Variants in CSMD1 observed in about 807,000 individuals in gnomAD.
The protein encoded by CSMD1 is CUB and sushi domain-containing protein 1.
CSMD1 carries 213 observed loss-of-function variants against 417.5 expected under a neutral mutation model. The ratio of observed to expected loss-of-function variants is 0.51; its 90% CI spans 0.46 to 0.57. The LOEUF (loss-of-function observed/expected upper bound fraction) is 0.57. Ranked by LOEUF, CSMD1 falls within the 20% of genes least tolerant of loss-of-function variation. CSMD1 has a pLI of 0.00. For missense variants in CSMD1, 6,923 were observed against 4,529.7 expected (o/e 1.53, Z -15.17); for synonymous variants, 2,862 against 1,736.8 (o/e 1.65, Z -16.11).
chr8:3,740,674 T>C (rs1041478305), intron 6 of CSMD1, among the ~76,000 whole-genome samples: 8 of 152,024 alleles, frequency 5.3e-5, no homozygotes, highest in South Asian at 2.1e-4. Context: ...ACGAGATGTA[T>C]TGGGGAAGAG....
chr8:3,583,782 C>A (rs1800482173), intron 9 of CSMD1, among the ~76,000 whole-genome samples: 1 of 151,922 alleles, frequency 6.6e-6, no homozygotes, highest in Admixed American at 6.6e-5. Context: ...GCAGCCATGC[C>A]CTGAAACCTC....
intron 5 of CSMD1, among the ~76,000 whole-genome samples, chr8:3,778,006 C>A (rs1468349801): frequency 6.6e-6 from 1 of 152,248 alleles, no homozygotes; most frequent in Non-Finnish European, 1.5e-5. Flanking sequence ...TCCAGACCTG[C>A]AGCCTAAGAA....
At chr8:3,887,041 TCA>T (rs1245673167) in intron 5 of CSMD1, among the ~76,000 whole-genome samples, 1 of 152,156 alleles carries the variant, frequency 6.6e-6, no homozygotes, top group Non-Finnish European at 1.5e-5. Context: ...AAACTCTGCC[TCA>T]CACATTTTCC....
intron 5 of CSMD1, among the ~76,000 whole-genome samples, chr8:3,968,916 A>T (rs1044923586): frequency 6.6e-6 from 1 of 152,172 alleles, no homozygotes; most frequent in Non-Finnish European, 1.5e-5. Context: ...GATTTATCTC[A>T]AAGTTTTCAA....
chr8:4,405,149 C>G (rs1229596062), intron 3 of CSMD1, among the ~76,000 whole-genome samples: 2 of 152,168 alleles, frequency 1.3e-5, no homozygotes, highest in Non-Finnish European at 2.9e-5. Flanking sequence ...AGGAGAAGTA[C>G]TCTTACTTCC....
At chr8:4,021,658 C>G (rs1796795506) in intron 4 of CSMD1, among the ~76,000 whole-genome samples, 1 of 152,174 alleles carries the variant, frequency 6.6e-6, no homozygotes, top group South Asian at 2.1e-4. Flanking sequence ...CATCCCTTTT[C>G]TCTTTTGGCG....
At chr8:4,188,243 A>C (rs1233461947) in intron 3 of CSMD1, among the ~76,000 whole-genome samples, 4 of 152,110 alleles carry the variant, frequency 2.6e-5, no homozygotes, top group Non-Finnish European at 5.9e-5. Context: ...GGACCCAGAA[A>C]ACAGCGCACT....
Position 4,470,761 on chromosome 8 carries a change from G to C in CSMD1, c.303-50696C>G, listed in dbSNP as rs371237832. ...AAAAACACCATGAATGACTTAATTGGACCCAGATTATTTAGACAATATTTA... is the reference window on the plus strand; with the variant it reads ...AAAAACACCATGAATGACTTAATTGCACCCAGATTATTTAGACAATATTTA... On this transcript the variant is annotated intron_variant, in intron 2 of 69. Transcript: ENST00000635120. Among the ~76,000 whole-genome samples the C allele has an allele frequency of 1.8e-4, 27 of 152,310 alleles. No individual in the cohort carries two copies. The East Asian group carries it at 4.1e-3, about 23-fold the overall frequency.
chr8:4,082,179 C>A (rs1016190491), intron 3 of CSMD1, among the ~76,000 whole-genome samples: 1 of 151,990 alleles, frequency 6.6e-6, no homozygotes, highest in Admixed American at 6.6e-5. Flanking sequence ...AAAGAGCGTA[C>A]AAGATATACT....
intron 54 of CSMD1, among the ~76,000 whole-genome samples, chr8:2,989,675 G>T (rs982733185): frequency 1.3e-5 from 2 of 152,128 alleles, no homozygotes; most frequent in Non-Finnish European, 2.9e-5. Context: ...AGAGAATGAT[G>T]AATAAATATG....
intron 3 of CSMD1, among the ~76,000 whole-genome samples, chr8:4,179,447 A>C (rs2131169254): frequency 6.6e-6 from 1 of 152,106 alleles, no homozygotes. Context: ...TTAAAGACTT[A>C]AACGTTAGAC....
chr8:3,086,455 T>C (rs936394470), intron 49 of CSMD1, among the ~76,000 whole-genome samples: 3 of 152,156 alleles, frequency 2.0e-5, no homozygotes, highest in African/African-American at 7.2e-5. Context: ...AGAGAGCCTA[T>C]ATGAGCTTTC....
chr8:3,792,054 T>A (rs922558542), intron 5 of CSMD1, among the ~76,000 whole-genome samples: 1 of 152,182 alleles, frequency 6.6e-6, no homozygotes, highest in African/African-American at 2.4e-5. Context: ...ACCTCAAAGT[T>A]TAACCAAATC....
chr8:3,771,083 G>T (rs57023090), intron 5 of CSMD1, among the ~76,000 whole-genome samples: 3 of 151,852 alleles, frequency 2.0e-5, no homozygotes, highest in Admixed American at 1.3e-4. Flanking sequence ...ATAGTCTTGG[G>T]GGTATTGTAT....
At chr8:4,108,814 G>A (rs1801704098) in intron 3 of CSMD1, among the ~76,000 whole-genome samples, 1 of 152,142 alleles carries the variant, frequency 6.6e-6, no homozygotes, top group Non-Finnish European at 1.5e-5. Context: ...TAAGTAGCAT[G>A]GCAAAGACCA....
intron 5 of CSMD1, among the ~76,000 whole-genome samples, chr8:3,808,155 A>G (rs1800854984): frequency 6.6e-6 from 1 of 152,208 alleles, no homozygotes; most frequent in Non-Finnish European, 1.5e-5. Context: ...TATAATCTCT[A>G]TGAAATTAAA....
chr8:3,238,161 G>T (rs1356837226), intron 26 of CSMD1, among the ~76,000 whole-genome samples: 1 of 151,960 alleles, frequency 6.6e-6, no homozygotes, highest in African/African-American at 2.4e-5. Context: ...TACAGTCAAA[G>T]GGGGGTTGTT....
At chr8:3,057,258 A>C in intron 49 of CSMD1, among the ~76,000 whole-genome samples, 1 of 152,200 alleles carries the variant, frequency 6.6e-6, no homozygotes, top group Non-Finnish European at 1.5e-5. Context: ...CTTAATGGTT[A>C]TTTTCCTCAA....
At chr8:4,576,752 T>C (rs1799156349) in intron 2 of CSMD1, among the ~76,000 whole-genome samples, 1 of 152,198 alleles carries the variant, frequency 6.6e-6, no homozygotes, top group East Asian at 1.9e-4. Flanking sequence ...TATATGTTAA[T>C]ATCAATATGT....
Sources: allele counts gnomAD v4.1 joint callset (sites outside exome capture counted in the v4.1 genomes callset), GRCh38; gene constraint gnomAD v4.1.1; transcripts MANE v1.5; gene names NCBI Gene and HGNC (gene_info 2026-07-23, HGNC 2026-07-21).